ZZEF1: variants seen among roughly 807,000 people sequenced by gnomAD.
The protein encoded by ZZEF1 is zinc finger ZZ-type and EF-hand domain containing 1, also known as zinc finger ZZ-type and EF-hand domain-containing protein 1.
In ZZEF1, 157 loss-of-function variants were observed where a neutral mutation model predicts 342.8. That is an observed-to-expected ratio of 0.46 (90% CI 0.40 to 0.52). The LOEUF (loss-of-function observed/expected upper bound fraction) is 0.52. Among genes scored for constraint, ZZEF1 ranks in the 20% least tolerant of loss-of-function variants. The pLI is 0.00. For synonymous variants in ZZEF1, 1,505 were observed against 1,429.1 expected (o/e 1.05, Z -1.20); for missense variants, 3,480 against 3,725.6 (o/e 0.93, Z 1.72).
intron 11 of ZZEF1, among the ~76,000 whole-genome samples, chr17:4,093,574 G>A (rs890475882): frequency 1.3e-5 from 2 of 152,188 alleles, no homozygotes; most frequent in African/African-American, 4.8e-5. Context: ...TCCACAGACA[G>A]GTAGCATCAG....
chr17:4,008,584 A>C lies in ZZEF1; in HGVS notation c.8805+299T>G, dbSNP rs756094932. 6.3e-5 allele frequency: 72 copies of C among 1,137,442 alleles called. No homozygotes were observed. The highest frequency in any genetic ancestry group is 6.9e-5 in the Non-Finnish European group (64 of 925,740). The allele number at this position is 1,137,442 out of a possible 1,614,324, so 70.5% of individuals were successfully genotyped here. On this transcript the variant is annotated intron_variant, in intron 54 of 54. Coordinates refer to ENST00000381638, the MANE Select transcript of ZZEF1 (RefSeq NM_015113.4). This position sits in a 1 kb window ranked among gnomAD's most constrained non-coding sequence, Gnocchi z 4.2. ...CAACTCACATCTAAAAATATGTGAA[A>C]TCTAACTCCACGGAAACTTCAAGAA...
Position 4,014,181 on chromosome 17 carries a change from A to T in ZZEF1, c.8322T>A (p.Thr2774=). ...TGTCGGAGGTGAAGCGGTAATACAG[A>T]GTGTCTCCTAGGCACACAAGGATCA... ...KWKDFELPGD[T]LYYRFTSDMS... is the part of the protein sequence containing the mutation. Residue 2774 remains threonine (T), a synonymous_variant, in exon 51 of 55, where the codon ACT becomes ACA. Coordinates refer to ENST00000381638, the MANE Select transcript of ZZEF1 (RefSeq NM_015113.4). This position sits in a 1 kb window ranked among gnomAD's most constrained non-coding sequence, Gnocchi z 4.4. 6.2e-7 allele frequency: 1 copy of T among 1,614,146 alleles called. No homozygotes were observed. Among genetic ancestry groups the T allele is most frequent in the Non-Finnish European group, 8.5e-7 (1 of 1,180,028 alleles).
intron 11 of ZZEF1, among the ~76,000 whole-genome samples, chr17:4,091,428 T>C (rs2057940706): frequency 6.6e-6 from 1 of 152,266 alleles, no homozygotes; most frequent in Non-Finnish European, 1.5e-5. Context: ...TTTAAGAGAA[T>C]GTATGCCACT....
chr17:4,095,797 A>T (rs919742692), intron 11 of ZZEF1, 34 bp downstream of exon 11: 14 of 1,578,016 alleles, frequency 8.9e-6, no homozygotes, highest in Non-Finnish European at 1.2e-5. Context: ...TGTTCTGTAG[A>T]TCTTTGTTCT....
At position 4,006,801 on chromosome 17, in the gene ZZEF1, C is replaced by T. The variant is rs953823600; in HGVS notation, c.*89G>A. ...CAGCTCAAGGAGAGCTGGGCACTGG[C>T]GCTACAGGAGTTTTCCTGAATGAGG... On this transcript the variant is annotated 3_prime_UTR_variant, in exon 55 of 55. Coordinates refer to ENST00000381638, the MANE Select transcript of ZZEF1 (RefSeq NM_015113.4). The T allele has an allele frequency of 1.9e-5, 27 of 1,388,990 alleles. 1 individual carries two copies. In the East Asian group the frequency reaches 2.0e-4, roughly 10 times the overall value. The allele number at this position is 1,388,990 out of a possible 1,614,324, so 86.0% of individuals were successfully genotyped here.
intron 37 of ZZEF1, 109 bp from the exon 38 acceptor site, chr17:4,044,483 T>C: frequency 1.0e-6 from 1 of 957,776 alleles, no homozygotes. Flanking sequence ...AAAAAACTTT[T>C]GAATGCCATT....
At chr17:4,106,198 G>A (rs994877244) in intron 6 of ZZEF1, among the ~76,000 whole-genome samples, 2 of 152,076 alleles carry the variant, frequency 1.3e-5, no homozygotes, top group Non-Finnish European at 2.9e-5. Flanking sequence ...CACCTACCTC[G>A]TCCTCCCACA....
intron 18 of ZZEF1, among the ~76,000 whole-genome samples, chr17:4,078,543 T>C (rs2603034): frequency 0.51 from 76,768 of 152,004 alleles, 21,695 homozygotes; most frequent in East Asian, 0.74. Flanking sequence ...ATGTGCTGGG[T>C]AGGAGTAAGT....
At chr17:4,135,233 C>G (rs993199748) in intron 1 of ZZEF1, among the ~76,000 whole-genome samples, 2 of 152,120 alleles carry the variant, frequency 1.3e-5, no homozygotes, top group Non-Finnish European at 2.9e-5. Flanking sequence ...CCCAGCACTT[C>G]GGGAGCCCAA....
Position 4,084,160 on chromosome 17 carries a change from C to T in ZZEF1, c.2646+1510G>A, listed in dbSNP as rs114012627. Among the ~76,000 whole-genome samples the T allele has an allele frequency of 8.6e-3, 1,307 of 152,264 alleles. 16 individuals are homozygous for T. Among genetic ancestry groups the T allele is most frequent in the African/African-American group, 0.03 (1,248 of 41,546 alleles). ...TTCTAGTGATCCATCAAATACATTG[C>T]TTATTGTGGGTTTTCGATACATGCC... On this transcript the variant is annotated intron_variant, in intron 16 of 54. Transcript: ENST00000381638.
At chr17:4,077,011 TTAATA>T in intron 19 of ZZEF1, 22 bp from the exon 20 acceptor site, 2 of 1,591,282 alleles carry the variant, frequency 1.3e-6, no homozygotes, top group Middle Eastern at 1.8e-4. Flanking sequence ...AAGAAAATAA[TTAATA>T]TATTATATAG....
Position 4,008,770 on chromosome 17 carries a change from C to G in ZZEF1, c.8805+113G>C. On this transcript the variant is annotated intron_variant, in intron 54 of 54. Transcript: ENST00000381638. The surrounding 1 kb of genome is among the most constrained non-coding windows in gnomAD (Gnocchi z 4.2). ...AACTGGAACAAGCTCTGTGTAAGCT[C>G]CGGGTGGATTCTGTCCTACTCAGAC... The G allele has an allele frequency of 6.8e-7, 1 of 1,467,908 alleles. No homozygotes were observed. Among genetic ancestry groups the G allele is most frequent in the Non-Finnish European group, 9.0e-7 (1 of 1,106,540 alleles). 90.9% of individuals were successfully genotyped at this position (1,467,908 alleles called of 1,614,324 possible).
At chr17:4,103,391 T>A (rs71366590) in intron 8 of ZZEF1, among the ~76,000 whole-genome samples, 24,916 of 148,768 alleles carry the variant, frequency 0.17, 2,070 homozygotes, top group East Asian at 0.18. Context: ...AAAAAAAAAA[T>A]TTTTAACTAG....
At chr17:4,137,135 G>A (rs2058761083) in intron 1 of ZZEF1, among the ~76,000 whole-genome samples, 1 of 152,086 alleles carries the variant, frequency 6.6e-6, no homozygotes, top group South Asian at 2.1e-4. Context: ...GAAGGCAATG[G>A]GGAGCCACTG....
chr17:4,094,195 G>A (rs1323125045), intron 11 of ZZEF1, among the ~76,000 whole-genome samples: 1 of 152,188 alleles, frequency 6.6e-6, no homozygotes, highest in Non-Finnish European at 1.5e-5. Context: ...AGGCAGGAGT[G>A]CAGTGGCGTG....
intron 6 of ZZEF1, among the ~76,000 whole-genome samples, chr17:4,107,354 C>A (rs1395953212): frequency 6.6e-6 from 1 of 152,094 alleles, no homozygotes; most frequent in Non-Finnish European, 1.5e-5. Flanking sequence ...ATCCAGTCCA[C>A]AAGATGGGAC....
chr17:4,099,271 C>CTGGA (rs2145424653), intron 9 of ZZEF1, among the ~76,000 whole-genome samples: 1 of 152,280 alleles, frequency 6.6e-6, no homozygotes, highest in African/African-American at 2.4e-5. Context: ...GTTGCCCAGG[C>CTGGA]TGGAGTGCAG....
At chr17:4,120,920 G>A (rs1213465278) in intron 2 of ZZEF1, among the ~76,000 whole-genome samples, 2 of 152,108 alleles carry the variant, frequency 1.3e-5, no homozygotes, top group South Asian at 4.1e-4. Flanking sequence ...TTTCTTAAAC[G>A]CTTAAGCACC....
intron 8 of ZZEF1, among the ~76,000 whole-genome samples, chr17:4,102,824 GC>G (rs2058149306): frequency 6.6e-6 from 1 of 151,874 alleles, no homozygotes; most frequent in African/African-American, 2.4e-5. Flanking sequence ...AATCATCTCT[GC>G]AGGCAAAATT....
Sources: gnomAD v4.1 joint callset for allele counts (sites outside exome capture counted in the v4.1 genomes callset) on GRCh38, gnomAD v4.1.1 for gene constraint, Gnocchi (gnomAD v3.1) non-coding constraint, MANE v1.5 for transcripts, NCBI Gene and HGNC (gene_info 2026-07-23, HGNC 2026-07-21) for gene names.